The following HEMK2 variants were observed in gnomAD, a reference collection of about 807,000 sequenced individuals.
The protein encoded by HEMK2 is HemK methyltransferase 2, ETF1 glutamine and histone H4 lysine.
At chr21:28,860,868 A>T in the HEMK2 span, among the ~76,000 whole-genome samples, 81 of 152,326 alleles carry the variant, frequency 5.3e-4, no homozygotes, top group Middle Eastern at 0.014. Flanking sequence ...CAGGGAGTTA[A>T]AAAAGGTTCT....
chr21:28,880,949 A>AAAAAG, the HEMK2 span, among the ~76,000 whole-genome samples: 4 of 139,772 alleles, frequency 2.9e-5, 1 homozygote, highest in Non-Finnish European at 1.6e-5. Flanking sequence ...AAAAAAAAAA[A>AAAAAG]AAACCGGAAA....
the HEMK2 span, among the ~76,000 whole-genome samples, chr21:28,732,826 A>G: frequency 6.6e-6 from 1 of 152,150 alleles, no homozygotes; most frequent in African/African-American, 2.4e-5. Flanking sequence ...AGACCTGACC[A>G]TTATTCCCTT....
chr21:28,634,508 C>A, the HEMK2 span, among the ~76,000 whole-genome samples: 11 of 152,170 alleles, frequency 7.2e-5, no homozygotes, highest in Non-Finnish European at 1.3e-4. Context: ...AAGTGAAGTT[C>A]CTTGACTTTG....
At chr21:28,646,016 C>A in the HEMK2 span, among the ~76,000 whole-genome samples, 1 of 151,962 alleles carries the variant, frequency 6.6e-6, no homozygotes, top group Non-Finnish European at 1.5e-5. Context: ...AACAAATTCC[C>A]CAGGTGATTT....
At chr21:28,609,923 A>T in the HEMK2 span, among the ~76,000 whole-genome samples, 1 of 152,196 alleles carries the variant, frequency 6.6e-6, no homozygotes, top group African/African-American at 2.4e-5. Context: ...AATGACCAAA[A>T]CTAAGAATAA....
At chr21:28,648,506 T>A in the HEMK2 span, among the ~76,000 whole-genome samples, 1 of 152,170 alleles carries the variant, frequency 6.6e-6, no homozygotes, top group African/African-American at 2.4e-5. Flanking sequence ...GCACTAAACT[T>A]GGTGCCTCTC....
the HEMK2 span, among the ~76,000 whole-genome samples, chr21:28,635,858 T>C: frequency 6.6e-6 from 1 of 152,204 alleles, no homozygotes; most frequent in Admixed American, 6.5e-5. Context: ...CCTGGGCACG[T>C]GTAGTAATTG....
chr21:28,758,401 G>T, the HEMK2 span, among the ~76,000 whole-genome samples: 3 of 152,116 alleles, frequency 2.0e-5, no homozygotes, highest in Non-Finnish European at 4.4e-5. Flanking sequence ...CATAGCAAAG[G>T]AGTAAAAGTA....
chr21:28,804,909 C>G, the HEMK2 span, among the ~76,000 whole-genome samples: 1 of 152,166 alleles, frequency 6.6e-6, no homozygotes, highest in Non-Finnish European at 1.5e-5. Flanking sequence ...TCATGTTTCT[C>G]AAAGTACCCT....
At chr21:28,586,411 T>C in the HEMK2 span, among the ~76,000 whole-genome samples, 1 of 152,198 alleles carries the variant, frequency 6.6e-6, no homozygotes, top group South Asian at 2.1e-4. Context: ...TGCAAATACC[T>C]CTGATAATCA....
chr21:28,677,947 A>G, the HEMK2 span, among the ~76,000 whole-genome samples: 10 of 152,254 alleles, frequency 6.6e-5, no homozygotes, highest in Non-Finnish European at 1.5e-4. Context: ...AAGATGGGGA[A>G]AAAACAGCAG....
chr21:28,661,565 T>A, the HEMK2 span, among the ~76,000 whole-genome samples: 2 of 151,114 alleles, frequency 1.3e-5, no homozygotes, highest in African/African-American at 4.8e-5. Context: ...TGTATGCAAA[T>A]ATATATATAT....
At chr21:28,842,574 T>C in the HEMK2 span, among the ~76,000 whole-genome samples, 1 of 152,326 alleles carries the variant, frequency 6.6e-6, no homozygotes, top group Non-Finnish European at 1.5e-5. Context: ...TATTTGCTCA[T>C]GTGGCAGTCA....
At chr21:28,727,228 C>T in the HEMK2 span, among the ~76,000 whole-genome samples, 6 of 152,184 alleles carry the variant, frequency 3.9e-5, no homozygotes, top group African/African-American at 1.4e-4. Flanking sequence ...TCAGTCCCCA[C>T]GTATTCCCTT....
At chr21:28,599,931 C>T in the HEMK2 span, among the ~76,000 whole-genome samples, 1 of 152,212 alleles carries the variant, frequency 6.6e-6, no homozygotes, top group African/African-American at 2.4e-5. Context: ...CTCCGTGTCT[C>T]ACATCTAGGT....
the HEMK2 span, among the ~76,000 whole-genome samples, chr21:28,594,693 A>G: frequency 6.6e-6 from 1 of 152,210 alleles, no homozygotes; most frequent in Non-Finnish European, 1.5e-5. Context: ...AGTGATAATA[A>G]ACATCAAATT....
chr21:28,745,272 G>A, the HEMK2 span, among the ~76,000 whole-genome samples: 2 of 152,198 alleles, frequency 1.3e-5, no homozygotes, highest in Non-Finnish European at 2.9e-5. Context: ...TTCAGATTTA[G>A]TTGGAGAAAA....
chr21:28,783,961 C>G, the HEMK2 span, among the ~76,000 whole-genome samples: 1 of 152,214 alleles, frequency 6.6e-6, no homozygotes, highest in Non-Finnish European at 1.5e-5. Flanking sequence ...GCGCTGAGCT[C>G]TAATTCTCAC....
At chr21:28,646,387 G>A in the HEMK2 span, among the ~76,000 whole-genome samples, 1 of 152,278 alleles carries the variant, frequency 6.6e-6, no homozygotes, top group East Asian at 1.9e-4. Flanking sequence ...GAGGATATGA[G>A]GGGACAACTG....
Sources: allele counts gnomAD v4.1 joint callset (sites outside exome capture counted in the v4.1 genomes callset), GRCh38; gene constraint gnomAD v4.1.1; transcripts MANE v1.5; gene names NCBI Gene and HGNC (gene_info 2026-07-23, HGNC 2026-07-21).